Variants in RELL1 observed in about 807,000 individuals in gnomAD.
RELL1 encodes RELT like 1.
RELL1 carries 10 observed loss-of-function variants against 23.0 expected under a neutral mutation model. The ratio of observed to expected loss-of-function variants is 0.43; its 90% confidence interval spans 0.27 to 0.74. The LOEUF (loss-of-function observed/expected upper bound fraction) is 0.74. Among genes scored for constraint, RELL1 ranks in the 30% least tolerant of loss-of-function variants. The pLI is 0.19. For missense variants in RELL1, 315 were observed against 364.4 expected (o/e 0.86, Z 1.10); for synonymous variants, 146 against 146.8 (o/e 0.99, Z 0.04).
intron 1 of RELL1, among the ~76,000 whole-genome samples, chr4:37,662,661 G>A (rs1458184590): frequency 1.3e-5 from 2 of 151,796 alleles, no homozygotes; most frequent in Non-Finnish European, 2.9e-5. Context: ...ACTTTGCAGA[G>A]TCAGATAAAG....
chr4:37,678,614 G>A (rs1000266336), intron 1 of RELL1, among the ~76,000 whole-genome samples: 2 of 152,164 alleles, frequency 1.3e-5, no homozygotes, highest in Non-Finnish European at 2.9e-5. Context: ...GGCCCAAAAA[G>A]GAAAATTCTG....
downstream of RELL1, among the ~76,000 whole-genome samples, chr4:37,606,555 G>C (rs1719227294): frequency 6.6e-6 from 1 of 152,360 alleles, no homozygotes; most frequent in Admixed American, 6.5e-5. This position sits in a 1 kb window ranked among gnomAD's most constrained non-coding sequence, Gnocchi z 4.1. Flanking sequence ...CCTTGTAAGA[G>C]CAGAGGACTC....
chr4:37,607,579 C>CTTTTT (rs59939694), downstream of RELL1, among the ~76,000 whole-genome samples: 2 of 113,960 alleles, frequency 1.8e-5, no homozygotes, highest in Non-Finnish European at 3.7e-5. Context: ...TCTTTCTTTT[C>CTTTTT]TTTTTTTTTT....
chr4:37,615,692 A>C (rs566974524), intron 6 of RELL1, among the ~76,000 whole-genome samples: 14 of 152,352 alleles, frequency 9.2e-5, no homozygotes, highest in Admixed American at 6.5e-4. Context: ...GCTGGAAAAA[A>C]TTAAGCGAAG....
chr4:37,588,948 G>A (rs2279994), downstream of RELL1: 330,900 of 1,447,340 alleles, frequency 0.23, 39,378 homozygotes, highest in Non-Finnish European at 0.25. Flanking sequence ...TGTGATGAGC[G>A]TGGGGTCACT....
intron 5 of RELL1, among the ~76,000 whole-genome samples, chr4:37,632,009 C>A (rs1720152803): frequency 7.9e-6 from 1 of 126,384 alleles, no homozygotes; most frequent in South Asian, 2.8e-4. Context: ...AGCCCAGGAG[C>A]TGGAGGTTGC....
At chr4:37,622,801 T>G (rs1241393098) in intron 6 of RELL1, 6 of 297,218 alleles carry the variant, frequency 2.0e-5, no homozygotes, top group Admixed American at 1.9e-4. Context: ...AAGTAATGCT[T>G]TTTTTTTTTT....
chr4:37,675,805 C>T (rs1234987455), intron 1 of RELL1, among the ~76,000 whole-genome samples: 1 of 152,190 alleles, frequency 6.6e-6, no homozygotes, highest in Admixed American at 6.5e-5. Flanking sequence ...TTTCACTCCC[C>T]TGCTCACAGT....
Position 37,612,348 on chromosome 4 carries a change from A to AC in RELL1, c.*997dup, listed in dbSNP as rs1356115832. Among the ~76,000 whole-genome samples, 24 of 123,658 alleles carry AC rather than the reference A, an allele frequency of 1.9e-4. No individual in the cohort carries two copies. Among genetic ancestry groups the AC allele is most frequent in the African/African-American group, 5.3e-4 (17 of 32,294 alleles). The allele number at this position is 123,658 out of a possible 152,430, so 81.1% of individuals were successfully genotyped here. The stretch of plus-strand genomic sequence containing the variant: ...AAAAAAAAAAAAAAAACAAAAAAAA[A>AC]CAAAAAACCGGGTGCAGTGGCCCAC... On this transcript the variant is annotated 3_prime_UTR_variant, in exon 7 of 7. Transcript: ENST00000454158.
At chr4:37,673,188 T>TTTTTC (rs1721899179) in intron 1 of RELL1, among the ~76,000 whole-genome samples, 1 of 92,072 alleles carries the variant, frequency 1.1e-5, no homozygotes, top group African/African-American at 4.2e-5. Flanking sequence ...TTTTTTTTCT[T>TTTTTC]TTTTTTTTTT....
intron 1 of RELL1, among the ~76,000 whole-genome samples, chr4:37,669,330 C>G (rs935378484): frequency 6.7e-6 from 1 of 149,470 alleles, no homozygotes; most frequent in Non-Finnish European, 1.5e-5. Context: ...GCCCCTCTGC[C>G]TGGCCAGCCG....
chr4:37,635,253 T>C (rs1457498734), intron 4 of RELL1, 130 bp from the exon 5 acceptor site: 13 of 707,538 alleles, frequency 1.8e-5, no homozygotes, highest in Non-Finnish European at 2.8e-5. Context: ...ATTGTACAAA[T>C]GGACTTTGTG....
chr4:37,654,077 A>G (rs1321446252), intron 1 of RELL1, among the ~76,000 whole-genome samples: 1 of 152,264 alleles, frequency 6.6e-6, no homozygotes. Flanking sequence ...CACTGTGAAG[A>G]TTAAACAATA....
intron 6 of RELL1, among the ~76,000 whole-genome samples, chr4:37,595,203 AT>A (rs1471438622): frequency 3.3e-5 from 5 of 152,150 alleles, no homozygotes. Flanking sequence ...TCATTTATAG[AT>A]TTACTAAATT....
chr4:37,637,815 A>G (rs113191107), intron 4 of RELL1, among the ~76,000 whole-genome samples: 1 of 152,374 alleles, frequency 6.6e-6, no homozygotes, highest in Non-Finnish European at 1.5e-5. Flanking sequence ...GCTGCTCAAC[A>G]ACCATAACCT....
At chr4:37,602,969 A>C (rs140180567) in intron 6 of RELL1, among the ~76,000 whole-genome samples, 322 of 152,374 alleles carry the variant, frequency 2.1e-3, no homozygotes, top group African/African-American at 7.6e-3. Context: ...AAAAACAATA[A>C]AGACAAACTG....
At chr4:37,651,465 C>G (rs1720936900) in intron 1 of RELL1, among the ~76,000 whole-genome samples, 1 of 152,200 alleles carries the variant, frequency 6.6e-6, no homozygotes, top group Admixed American at 6.5e-5. Context: ...ACACACACTG[C>G]TCAAGAAACC....
At chr4:37,669,912 G>A (rs1163502560) in intron 1 of RELL1, among the ~76,000 whole-genome samples, 1 of 151,602 alleles carries the variant, frequency 6.6e-6, no homozygotes, top group Admixed American at 6.6e-5. Flanking sequence ...GAAGGCCGCA[G>A]GGTCCTCTGC....
intron 6 of RELL1, among the ~76,000 whole-genome samples, chr4:37,605,412 C>A (rs1719164608): frequency 6.6e-6 from 1 of 152,036 alleles, no homozygotes; most frequent in South Asian, 2.1e-4. Context: ...AAGGAAAATA[C>A]AAGACAAGAT....
Sources: gnomAD v4.1 joint callset for allele counts (sites outside exome capture counted in the v4.1 genomes callset) on GRCh38, gnomAD v4.1.1 for gene constraint, Gnocchi (gnomAD v3.1) non-coding constraint, MANE v1.5 for transcripts, NCBI Gene and HGNC (gene_info 2026-07-23, HGNC 2026-07-21) for gene names.